Variants in APBB2 observed in about 807,000 individuals in gnomAD.
APBB2 encodes Fe65-like 1.
In APBB2, 38 loss-of-function variants were observed where a neutral mutation model predicts 82.5. That is an observed-to-expected ratio of 0.46 (90% CI 0.36 to 0.60). The LOEUF (loss-of-function observed/expected upper bound fraction) is 0.60, where lower values mean the gene tolerates loss of function less well. Among genes scored for constraint, APBB2 ranks in the 20% least tolerant of loss-of-function variants. The pLI is 0.00. For synonymous variants in APBB2, 341 were observed against 368.2 expected, an observed-to-expected ratio of 0.93 and a Z score of 0.85; for missense variants, 772 against 972.3, an observed-to-expected ratio of 0.79 and a Z score of 2.74.
chr4:40,907,365 ATATATATATATATATTT>A (rs1777166947), intron 10 of APBB2, among the ~76,000 whole-genome samples: 1 of 85,062 alleles, frequency 1.2e-5, no homozygotes, highest in Non-Finnish European at 2.0e-5. Context: ...ATATATATAT[ATATATATATATATATTT>A]TTTTTTTTTT....
intron 2 of APBB2, among the ~76,000 whole-genome samples, chr4:41,142,174 G>T (rs567547948): frequency 4.6e-5 from 7 of 152,170 alleles, no homozygotes; most frequent in African/African-American, 1.4e-4. Context: ...TACTTTCTAG[G>T]GAGTATTTAT....
intron 3 of APBB2, among the ~76,000 whole-genome samples, chr4:41,096,932 T>C (rs369362894): frequency 2.6e-5 from 4 of 152,326 alleles, no homozygotes; most frequent in South Asian, 2.1e-4. Flanking sequence ...TGGCACACAA[T>C]AGTTGCTCAA....
At chr4:41,138,088 A>T (rs1758081021) in intron 2 of APBB2, 1 of 152,086 alleles carries the variant, frequency 6.6e-6, no homozygotes. Flanking sequence ...AATCACTTGA[A>T]CCTGGCAGAC....
chr4:41,156,828 G>C (rs533791178), intron 1 of APBB2, among the ~76,000 whole-genome samples: 1 of 152,208 alleles, frequency 6.6e-6, no homozygotes, highest in Non-Finnish European at 1.5e-5. Context: ...CACTTTGTGA[G>C]GCCAAGACGG....
intron 10 of APBB2, among the ~76,000 whole-genome samples, chr4:40,920,689 T>C (rs1781035845): frequency 6.6e-6 from 1 of 152,142 alleles, no homozygotes; most frequent in African/African-American, 2.4e-5. Context: ...CTGGCCAACA[T>C]GGTGAAACTT....
chr4:41,210,377 G>C (rs1053144937), intron 1 of APBB2, among the ~76,000 whole-genome samples: 5 of 152,184 alleles, frequency 3.3e-5, no homozygotes, highest in Admixed American at 3.3e-4. Flanking sequence ...GTAACACAGT[G>C]AATTGAAGTA....
intron 12 of APBB2, among the ~76,000 whole-genome samples, chr4:40,857,347 C>G (rs889296041): frequency 6.6e-6 from 1 of 152,218 alleles, no homozygotes; most frequent in African/African-American, 2.4e-5. Context: ...GATCCCCCAC[C>G]CCAACATACT....
intron 1 of APBB2, among the ~76,000 whole-genome samples, chr4:41,160,027 A>AAGAAGAAGAAGG (rs1764697925): frequency 6.8e-6 from 1 of 147,352 alleles, no homozygotes; most frequent in East Asian, 2.0e-4. Context: ...GAAGAAGAAG[A>AAGAAGAAGAAGG]AGAAGAAGAA....
At chr4:41,172,221 C>T (rs1157094922) in intron 1 of APBB2, among the ~76,000 whole-genome samples, 1 of 151,820 alleles carries the variant, frequency 6.6e-6, no homozygotes, top group Non-Finnish European at 1.5e-5. Flanking sequence ...TCATCCAGCA[C>T]CCCCCGCCCC....
intron 3 of APBB2, among the ~76,000 whole-genome samples, chr4:41,067,701 A>G (rs1278702155): frequency 6.6e-5 from 10 of 152,206 alleles, no homozygotes; most frequent in African/African-American, 2.4e-4. Context: ...GTAGAGAGGT[A>G]CCACGGGATA....
At chr4:41,007,386 T>C (rs1268207396) in intron 6 of APBB2, among the ~76,000 whole-genome samples, 1 of 152,014 alleles carries the variant, frequency 6.6e-6, no homozygotes, top group Non-Finnish European at 1.5e-5. Context: ...CTGTTCATTA[T>C]AAATTATCCA....
At chr4:41,006,595 A>G (rs897570141) in intron 6 of APBB2, among the ~76,000 whole-genome samples, 3 of 151,776 alleles carry the variant, frequency 2.0e-5, no homozygotes, top group African/African-American at 7.3e-5. Context: ...TCCCAAGTAA[A>G]TGGGATTATA....
chr4:40,911,667 G>A (rs1189881750), intron 10 of APBB2, among the ~76,000 whole-genome samples: 4 of 152,226 alleles, frequency 2.6e-5, no homozygotes, highest in Non-Finnish European at 5.9e-5. Flanking sequence ...CTGCAGACTG[G>A]AGCCCATATC....
intron 1 of APBB2, among the ~76,000 whole-genome samples, chr4:41,165,352 G>A (rs1313576157): frequency 6.6e-6 from 1 of 152,110 alleles, no homozygotes; most frequent in Non-Finnish European, 1.5e-5. Context: ...TACCCACAAG[G>A]AGTCAGAGGC....
chr4:40,908,046 GGTGTGTGTGGT>G (rs1023301008), intron 10 of APBB2, among the ~76,000 whole-genome samples: 9 of 150,924 alleles, frequency 6.0e-5, no homozygotes, highest in African/African-American at 2.2e-4. Context: ...GTATGGTGTG[GGTGTGTGTGGT>G]GTGTGTGTGG....
intron 6 of APBB2, among the ~76,000 whole-genome samples, chr4:40,991,977 A>ATCTCTCTC (rs146471020): frequency 6.6e-6 from 1 of 151,318 alleles, no homozygotes; most frequent in Non-Finnish European, 1.5e-5. Flanking sequence ...CCTCCTCCCC[A>ATCTCTCTC]TCTCTCTCTC....
At chr4:40,837,051 T>C (rs554523028) in intron 12 of APBB2, among the ~76,000 whole-genome samples, 8 of 152,338 alleles carry the variant, frequency 5.3e-5, no homozygotes, top group Middle Eastern at 3.4e-3. Flanking sequence ...GGTAGGTCCT[T>C]GATTTTCTTG....
At position 40,982,341 on chromosome 4, in the gene APBB2, AGGAAGGAAGGAAGGAAG is replaced by A. The variant is rs1799041208; in HGVS notation, c.835+31225_835+31241del. Among the ~76,000 whole-genome samples the A allele has an allele frequency of 8.5e-4, 12 of 14,114 alleles. 1 individual carries two copies. The highest frequency in any genetic ancestry group is 6.8e-3 in the East Asian group (4 of 588). The allele number at this position is 14,114 out of a possible 152,430, so 9.3% of individuals were successfully genotyped here. A position where few individuals can be genotyped will look rare whatever the true frequency, so the allele number is the denominator to read the frequency against. On this transcript the variant is annotated intron_variant, in intron 6 of 17. Coordinates refer to ENST00000508593, the MANE Select transcript of APBB2 (RefSeq NM_004307.2). Reference sequence around the variant, plus strand: ...AAGAAAGAAAAGAAAGAAGGAAGGAAGGAAGGAAGGAAGGAAGGAAGGAAGGAAGGAAGGAAGGAAGG... The same window carrying A: ...AAGAAAGAAAAGAAAGAAGGAAGGAAGAAGGAAGGAAGGAAGGAAGGAAGG...
rs546921028 is a variant in APBB2, at chr4:40,831,781, C to T, written c.1530-1204G>A. Among the ~76,000 whole-genome samples the T allele has an allele frequency of 3.9e-5, 6 of 152,178 alleles. No individual in the cohort carries two copies. In the South Asian group the frequency reaches 1.2e-3, roughly 32 times the overall value. Reference sequence around the variant, plus strand: ...ACGTCTCAGACTCCAGATCTCAGAGCGACGGCAGCGGCGGCACATCATTTA... The same window carrying T: ...ACGTCTCAGACTCCAGATCTCAGAGTGACGGCAGCGGCGGCACATCATTTA... On this transcript the variant is annotated intron_variant, in intron 12 of 17. Transcript: ENST00000508593.
Sources: allele counts gnomAD v4.1 joint callset (sites outside exome capture counted in the v4.1 genomes callset), GRCh38; gene constraint gnomAD v4.1.1; transcripts MANE v1.5; gene names NCBI Gene and HGNC (gene_info 2026-07-23, HGNC 2026-07-21).